Variants in DAP observed in about 807,000 individuals in gnomAD.
The protein encoded by DAP is death-associated protein 1.
Under a neutral mutation model 13.8 loss-of-function variants are expected in DAP, and 8 were observed. The observed-to-expected ratio is 0.58, with a 90% confidence interval of 0.34 to 1.05. DAP has a LOEUF of 1.05. Ranked by LOEUF, DAP falls within the 50% of genes least tolerant of loss-of-function variation. The probability of loss-of-function intolerance (pLI) is 0.03; values close to 1 mark genes in which losing one functional copy is unlikely to be tolerated. For synonymous variants in DAP, 47 were observed against 47.5 expected (o/e 0.99, Z 0.04); for missense variants, 106 against 133.2 (o/e 0.80, Z 1.01).
intron 2 of DAP, among the ~76,000 whole-genome samples, chr5:10,737,385 CA>C (rs1441651339): frequency 4.7e-5 from 7 of 149,120 alleles, no homozygotes; most frequent in African/African-American, 1.7e-4. Flanking sequence ...ACAACAACAA[CA>C]AAAAAAACTG....
At chr5:10,736,300 T>C (rs895293089) in intron 2 of DAP, among the ~76,000 whole-genome samples, 5 of 152,232 alleles carry the variant, frequency 3.3e-5, no homozygotes, top group African/African-American at 1.2e-4. Flanking sequence ...AAAACTAATG[T>C]GCTGCTTCTT....
chr5:10,760,287 G>A (rs186077303), intron 1 of DAP, among the ~76,000 whole-genome samples: 3 of 152,308 alleles, frequency 2.0e-5, no homozygotes, highest in African/African-American at 7.2e-5. Context: ...AAGGAGAGTA[G>A]AAACGGAAAC....
intron 2 of DAP, among the ~76,000 whole-genome samples, chr5:10,708,301 CACAT>C (rs1291399653): frequency 7.3e-5 from 11 of 151,420 alleles, no homozygotes; most frequent in South Asian, 2.1e-4. Flanking sequence ...TGCACACACA[CACAT>C]AGAGACACAC....
At chr5:10,700,807 A>G (rs1471872201) in intron 2 of DAP, among the ~76,000 whole-genome samples, 3 of 152,216 alleles carry the variant, frequency 2.0e-5, no homozygotes, top group Non-Finnish European at 2.9e-5. Flanking sequence ...TGCTTTGCAA[A>G]CTAACCCAGG....
chr5:10,739,819 AC>A (rs1739713110), intron 2 of DAP, among the ~76,000 whole-genome samples: 1 of 145,432 alleles, frequency 6.9e-6, no homozygotes. Flanking sequence ...ACACACACAC[AC>A]GAATGGGTTT....
At chr5:10,722,734 A>C (rs1039038098) in intron 2 of DAP, among the ~76,000 whole-genome samples, 6 of 152,062 alleles carry the variant, frequency 3.9e-5, no homozygotes, top group African/African-American at 1.4e-4. Flanking sequence ...AATGAAAACT[A>C]TATGGGGGAA....
intron 2 of DAP, among the ~76,000 whole-genome samples, chr5:10,738,484 G>A (rs1028262212): frequency 2.0e-5 from 3 of 152,172 alleles, no homozygotes; most frequent in Non-Finnish European, 2.9e-5. Flanking sequence ...ACAAGACCTC[G>A]CTTCTGTGCA....
At chr5:10,733,895 T>A (rs1027014106) in intron 2 of DAP, 1 of 152,234 alleles carries the variant, frequency 6.6e-6, no homozygotes, top group Admixed American at 6.5e-5. Context: ...ACAGGGCTTA[T>A]CTAGATAAAA....
At chr5:10,715,980 G>A (rs1298381515) in intron 2 of DAP, among the ~76,000 whole-genome samples, 1 of 152,238 alleles carries the variant, frequency 6.6e-6, no homozygotes, top group Non-Finnish European at 1.5e-5. Flanking sequence ...TTCTCCAGCA[G>A]AGGATGTGAG....
chr5:10,683,226 T>C (rs1738067987), intron 3 of DAP: 1 of 461,056 alleles, frequency 2.2e-6, no homozygotes, highest in Non-Finnish European at 3.9e-6. Context: ...TGGACGGCAA[T>C]ACTGTGGGGT....
intron 2 of DAP, among the ~76,000 whole-genome samples, chr5:10,730,480 T>TGG (rs1739416296): frequency 7.3e-6 from 1 of 137,222 alleles, no homozygotes; most frequent in Non-Finnish European, 1.6e-5. Context: ...AGAACCCTGG[T>TGG]TGGGGCAATC....
chr5:10,720,343 T>G (rs1739105158), intron 2 of DAP, among the ~76,000 whole-genome samples: 1 of 152,062 alleles, frequency 6.6e-6, no homozygotes, highest in South Asian at 2.1e-4. Flanking sequence ...CCTGGATGGC[T>G]AGGGACTTCA....
intron 2 of DAP, among the ~76,000 whole-genome samples, chr5:10,725,732 G>A (rs5745209): frequency 0.089 from 13,483 of 152,264 alleles, 811 homozygotes; most frequent in African/African-American, 0.17. Flanking sequence ...TTGGGAAAAG[G>A]TGACTAGTTA....
chr5:10,681,645 G>A (rs1262394350), intron 3 of DAP, among the ~76,000 whole-genome samples: 2 of 146,560 alleles, frequency 1.4e-5, no homozygotes, highest in Non-Finnish European at 3.0e-5. Flanking sequence ...GGGTGAGGAA[G>A]CCCCAGGCCA....
At chr5:10,736,978 C>T (rs911868574) in intron 2 of DAP, among the ~76,000 whole-genome samples, 4 of 152,316 alleles carry the variant, frequency 2.6e-5, no homozygotes, top group African/African-American at 4.8e-5. Flanking sequence ...CTCTGTGGCC[C>T]GTGGCACTCC....
At position 10,680,865 on chromosome 5, in the gene DAP, C is replaced by T. The variant is rs745499911; in HGVS notation, c.*191G>A. 1.3e-6 allele frequency: 2 copies of T among 1,536,982 alleles called. No homozygotes were observed. The highest frequency in any genetic ancestry group is 1.7e-6 in the Non-Finnish European group (2 of 1,147,034). On this transcript the variant is annotated 3_prime_UTR_variant, in exon 4 of 4. Transcript: ENST00000230895. The stretch of plus-strand genomic sequence containing the variant: ...TCAAATGACATCCAACCAGACTCCC[C>T]ATAAACAAGGTTTGGGCTGGAGCTG...
intron 3 of DAP, among the ~76,000 whole-genome samples, chr5:10,681,679 A>G (rs1738008555): frequency 1.3e-5 from 2 of 151,250 alleles, no homozygotes; most frequent in Non-Finnish European, 2.9e-5. Flanking sequence ...TCCCTGCAGG[A>G]AGCATGGGGT....
chr5:10,700,503 A>C (rs548554973), intron 2 of DAP, among the ~76,000 whole-genome samples: 68 of 152,112 alleles, frequency 4.5e-4, no homozygotes, highest in Non-Finnish European at 8.8e-4. Flanking sequence ...GGGAGAAGGG[A>C]AGGAAATTTT....
intron 2 of DAP, among the ~76,000 whole-genome samples, chr5:10,724,909 C>T (rs1202054328): frequency 1.3e-5 from 2 of 149,900 alleles, no homozygotes; most frequent in African/African-American, 2.5e-5. Context: ...GCTCTCTACT[C>T]CCCCCAGGAG....
Sources: allele counts gnomAD v4.1 joint callset (sites outside exome capture counted in the v4.1 genomes callset), GRCh38; gene constraint gnomAD v4.1.1; transcripts MANE v1.5; gene names NCBI Gene and HGNC (gene_info 2026-07-23, HGNC 2026-07-21).